Variants in DGLUCY observed in about 807,000 individuals in gnomAD.
DGLUCY encodes the protein D-glutamate cyclase.
Under a neutral mutation model 58.5 loss-of-function variants are expected in DGLUCY, and 58 were observed. The ratio of observed to expected loss-of-function variants is 0.99; its 90% CI spans 0.80 to 1.23. The LOEUF is 1.23. Ranked by LOEUF, DGLUCY falls within the 50% of genes most tolerant of loss-of-function variation. DGLUCY has a pLI of 0.00. For synonymous variants in DGLUCY, 325 were observed against 314.1 expected, an observed-to-expected ratio of 1.03 and a Z score of -0.37; for missense variants, 779 against 784.7, an observed-to-expected ratio of 0.99 and a Z score of 0.09.
At chr14:91,138,980 C>T (rs535200536) in intron 1 of DGLUCY, among the ~76,000 whole-genome samples, 1 of 152,336 alleles carries the variant, frequency 6.6e-6, no homozygotes, top group East Asian at 1.9e-4. Flanking sequence ...TTCCACGACA[C>T]ATGCATCTCT....
chr14:91,150,080 A>G (rs1164648625), intron 1 of DGLUCY, among the ~76,000 whole-genome samples: 5 of 151,960 alleles, frequency 3.3e-5, no homozygotes. Context: ...TTAGCCAGGC[A>G]TGGTGGTAGG....
At chr14:91,222,801 A>T (rs1887709509) in intron 13 of DGLUCY, among the ~76,000 whole-genome samples, 1 of 152,188 alleles carries the variant, frequency 6.6e-6, no homozygotes, top group South Asian at 2.1e-4. Flanking sequence ...ACTATAGACT[A>T]GGTGGCTTGA....
intron 13 of DGLUCY, chr14:91,215,903 T>A: frequency 2.0e-6 from 1 of 494,432 alleles, no homozygotes; most frequent in Non-Finnish European, 3.3e-6. Context: ...TACTTCATAC[T>A]GTTAGTGGTG....
intron 1 of DGLUCY, among the ~76,000 whole-genome samples, chr14:91,086,425 T>C (rs1476201316): frequency 6.6e-6 from 1 of 152,194 alleles, no homozygotes; most frequent in Non-Finnish European, 1.5e-5. Context: ...AGTATTTGTA[T>C]GTGACCTATG....
At position 91,071,334 on chromosome 14, in the gene DGLUCY, C is replaced by CA. The variant is rs3086750; in HGVS notation, c.-82+10648dup. On this transcript the variant is annotated intron_variant, in intron 1 of 4. Transcript: ENST00000521334. ...CCTGGGCAACAGAGCGAGATTCCAC[C>CA]AAAAAAAAAAAAAAAAAAGAAGTCT... Among the ~76,000 whole-genome samples, 890 of 84,106 alleles carry CA rather than the reference C, an allele frequency of 0.011. 22 individuals carry two copies. The East Asian group carries it at 0.11, about 10-fold the overall frequency. The allele number at this position is 84,106 out of a possible 152,430, so 55.2% of individuals were successfully genotyped here.
intron 1 of DGLUCY, among the ~76,000 whole-genome samples, chr14:91,097,264 C>T (rs1328983928): frequency 1.3e-5 from 2 of 152,062 alleles, no homozygotes; most frequent in African/African-American, 4.8e-5. Context: ...CTGGGTGTGA[C>T]ACGTGCCTGT....
upstream of DGLUCY, among the ~76,000 whole-genome samples, chr14:91,110,408 T>G (rs1473071683): frequency 1.4e-5 from 2 of 138,028 alleles, no homozygotes; most frequent in African/African-American, 5.6e-5. Context: ...TGGTTTGTTT[T>G]TCTTTCTTTC....
chr14:91,188,324 A>G (rs1403809537), intron 8 of DGLUCY, among the ~76,000 whole-genome samples: 2 of 152,158 alleles, frequency 1.3e-5, no homozygotes, highest in Admixed American at 1.3e-4. Flanking sequence ...ATCACGATCC[A>G]ATACAGAGAA....
chr14:91,080,068 GT>G (rs1375367470), intron 1 of DGLUCY, among the ~76,000 whole-genome samples: 1 of 152,060 alleles, frequency 6.6e-6, no homozygotes, highest in Non-Finnish European at 1.5e-5. Flanking sequence ...TTCCTTCTGT[GT>G]CTGGCTTATT....
intron 1 of DGLUCY, among the ~76,000 whole-genome samples, chr14:91,068,079 G>GCGCACGCGCACACA (rs375738080): frequency 6.8e-6 from 1 of 146,342 alleles, no homozygotes; most frequent in Non-Finnish European, 1.5e-5. Context: ...ACACGCGCAC[G>GCGCACGCGCACACA]CACACACACA....
intron 1 of DGLUCY, among the ~76,000 whole-genome samples, chr14:91,141,054 G>A (rs944626540): frequency 6.6e-6 from 1 of 152,106 alleles, no homozygotes; most frequent in African/African-American, 2.4e-5. Context: ...TTCTTGTAGG[G>A]TGCTCCGACT....
At chr14:91,198,183 C>T (rs950583257) in intron 10 of DGLUCY, among the ~76,000 whole-genome samples, 1 of 151,822 alleles carries the variant, frequency 6.6e-6, no homozygotes, top group South Asian at 2.1e-4. Flanking sequence ...GCTGGGATTA[C>T]AGGCACCCGC....
chr14:91,177,570 A>C (rs1317365157), intron 7 of DGLUCY, among the ~76,000 whole-genome samples: 1 of 152,232 alleles, frequency 6.6e-6, no homozygotes, highest in South Asian at 2.1e-4. Context: ...TCTCAGTAAG[A>C]TAGGAAGGTG....
chr14:91,118,081 C>T (rs866663221), intron 1 of DGLUCY, among the ~76,000 whole-genome samples: 2 of 101,842 alleles, frequency 2.0e-5, no homozygotes, highest in African/African-American at 3.8e-5. Flanking sequence ...CCCCGCCCCC[C>T]CCCCCCCTTT....
intron 1 of DGLUCY, among the ~76,000 whole-genome samples, chr14:91,108,926 C>CGGAGAG (rs1828260810): frequency 6.6e-6 from 1 of 152,002 alleles, no homozygotes. Flanking sequence ...AGAAAGGGAC[C>CGGAGAG]GGAGAGCAAG....
At chr14:91,104,785 C>CTGGAG (rs1304001083), upstream of DGLUCY, among the ~76,000 whole-genome samples, 1 of 152,148 alleles carries the variant, frequency 6.6e-6, no homozygotes, top group Non-Finnish European at 1.5e-5. Context: ...TAAGCTGGCT[C>CTGGAG]TGGAGTCTGA....
At chr14:91,144,721 C>T (rs948907513) in intron 1 of DGLUCY, among the ~76,000 whole-genome samples, 3 of 151,998 alleles carry the variant, frequency 2.0e-5, no homozygotes, top group Non-Finnish European at 4.4e-5. Flanking sequence ...TGGGAGCTCT[C>T]GTGGGAAGTG....
At chr14:91,151,460 C>G (rs2047331932) in intron 1 of DGLUCY, among the ~76,000 whole-genome samples, 1 of 151,996 alleles carries the variant, frequency 6.6e-6, no homozygotes, top group African/African-American at 2.4e-5. Context: ...CCAGGATGGT[C>G]TCGTCTCGAT....
At chr14:91,212,982 C>T (rs1885922306) in intron 12 of DGLUCY, among the ~76,000 whole-genome samples, 1 of 147,330 alleles carries the variant, frequency 6.8e-6, no homozygotes, top group African/African-American at 2.5e-5. Flanking sequence ...GCCCGGGTGA[C>T]AGAGTAAGAC....
Sources: gnomAD v4.1 joint callset for allele counts (sites outside exome capture counted in the v4.1 genomes callset) on GRCh38, gnomAD v4.1.1 for gene constraint, MANE v1.5 for transcripts, NCBI Gene and HGNC (gene_info 2026-07-23, HGNC 2026-07-21) for gene names.